TASP1: variants seen among roughly 807,000 people sequenced by gnomAD.
TASP1 encodes the protein taspase 1.
A neutral mutation model predicts 56.6 loss-of-function variants in TASP1; 16 were observed. That is an observed-to-expected ratio of 0.28 (90% CI 0.19 to 0.43). The LOEUF is 0.43. Among genes scored for constraint, TASP1 ranks in the 20% least tolerant of loss-of-function variants. The probability of loss-of-function intolerance (pLI) is 1.00; values close to 1 mark genes in which losing one functional copy is unlikely to be tolerated. For missense variants in TASP1, 393 were observed against 511.6 expected, an observed-to-expected ratio of 0.77 and a Z score of 2.24; for synonymous variants, 179 against 184.2, an observed-to-expected ratio of 0.97 and a Z score of 0.23.
At chr20:13,291,026 T>C in the TASP1 span, among the ~76,000 whole-genome samples, 1 of 152,234 alleles carries the variant, frequency 6.6e-6, no homozygotes, top group African/African-American at 2.4e-5. Context: ...CAGATAGCAT[T>C]TGAAGTCAAG....
intron 13 of TASP1, among the ~76,000 whole-genome samples, chr20:13,394,299 C>T (rs1568740977): frequency 8.1e-6 from 1 of 122,802 alleles, no homozygotes; most frequent in Non-Finnish European, 1.6e-5. Flanking sequence ...CACTACAGCA[C>T]TCCCTCTCAA....
At chr20:13,371,154 G>A in the TASP1 span, among the ~76,000 whole-genome samples, 2 of 151,826 alleles carry the variant, frequency 1.3e-5, no homozygotes, top group East Asian at 1.9e-4. Context: ...TTTTCAATTC[G>A]TTATTTCATT....
the TASP1 span, among the ~76,000 whole-genome samples, chr20:13,377,427 T>A: frequency 6.6e-6 from 1 of 152,242 alleles, no homozygotes; most frequent in Non-Finnish European, 1.5e-5. Context: ...TGAACCCAAC[T>A]TGATCATGGT....
At chr20:13,270,387 C>T in the TASP1 span, 1,991 of 1,174,804 alleles carry the variant, frequency 1.7e-3, 6 homozygotes, top group Non-Finnish European at 2.1e-3. Context: ...GAATGCCCTA[C>T]TGGCTTAATT....
chr20:13,569,685 T>G, intron 6 of TASP1, 99 bp from the exon 7 acceptor site: 1 of 977,166 alleles, frequency 1.0e-6, no homozygotes, highest in Non-Finnish European at 1.5e-6. Flanking sequence ...GAAAAAGTCT[T>G]GCATATGGAC....
intron 11 of TASP1, among the ~76,000 whole-genome samples, chr20:13,472,127 A>G (rs2146432538): frequency 6.6e-6 from 1 of 151,146 alleles, no homozygotes; most frequent in East Asian, 1.9e-4. Context: ...TACTGGTGCC[A>G]AAACAGATAT....
At chr20:13,240,982 G>C in the TASP1 span, among the ~76,000 whole-genome samples, 1 of 152,326 alleles carries the variant, frequency 6.6e-6, no homozygotes, top group Admixed American at 6.5e-5. Flanking sequence ...AGTGGACAGG[G>C]AGCTGAGAGT....
chr20:13,429,888 G>A (rs1429439087), intron 12 of TASP1, among the ~76,000 whole-genome samples: 2 of 151,806 alleles, frequency 1.3e-5, no homozygotes, highest in African/African-American at 4.8e-5. Flanking sequence ...TTCTTCTTTC[G>A]GGAAGTCTTC....
At position 13,592,675 on chromosome 20, in the gene TASP1, G is replaced by C. The variant is rs560819257; in HGVS notation, c.283-5305C>G. ...AAAGAACTAACTTAACTATTGGTTTGGTTGACTTTCTGTTTTCTATTTCAT... is the reference window on the plus strand; with the variant it reads ...AAAGAACTAACTTAACTATTGGTTTCGTTGACTTTCTGTTTTCTATTTCAT... On this transcript the variant is annotated intron_variant, in intron 4 of 13. Coordinates refer to ENST00000337743, the MANE Select transcript of TASP1 (RefSeq NM_017714.3). Among the ~76,000 whole-genome samples, 145 of 151,934 alleles carry C rather than the reference G, an allele frequency of 9.5e-4. 1 individual carries two copies. Among genetic ancestry groups the C allele is most frequent in the Admixed American group, 7.9e-3 (120 of 15,266 alleles).
the TASP1 span, among the ~76,000 whole-genome samples, chr20:13,134,452 A>G: frequency 6.6e-6 from 1 of 152,208 alleles, no homozygotes; most frequent in African/African-American, 2.4e-5. Flanking sequence ...CCCAGTCATC[A>G]TTTCATATTT....
chr20:13,120,249 TAGAC>T, the TASP1 span, among the ~76,000 whole-genome samples: 1 of 152,150 alleles, frequency 6.6e-6, no homozygotes, highest in Non-Finnish European at 1.5e-5. Flanking sequence ...AGATAGTTGA[TAGAC>T]AGATGAATAA....
chr20:13,298,863 G>A, the TASP1 span: 8 of 1,445,128 alleles, frequency 5.5e-6, no homozygotes, highest in Non-Finnish European at 5.7e-6. Flanking sequence ...GGAGCAGCCT[G>A]GTGTCACATG....
At chr20:13,536,174 A>G (rs768270495) in intron 8 of TASP1, among the ~76,000 whole-genome samples, 1 of 152,170 alleles carries the variant, frequency 6.6e-6, no homozygotes, top group Non-Finnish European at 1.5e-5. Flanking sequence ...TTAAATGCAG[A>G]TTCTGATGGA....
chr20:13,410,852 T>C (rs1179306010), intron 13 of TASP1, among the ~76,000 whole-genome samples: 1 of 152,156 alleles, frequency 6.6e-6, no homozygotes, highest in Non-Finnish European at 1.5e-5. Context: ...TTTGTCTCTT[T>C]TGGGATTTTT....
At chr20:13,280,678 A>C in the TASP1 span, among the ~76,000 whole-genome samples, 5 of 152,150 alleles carry the variant, frequency 3.3e-5, no homozygotes, top group Non-Finnish European at 7.4e-5. Context: ...GAGAAGGAAC[A>C]CACACTCGTA....
chr20:13,494,428 A>G (rs2043648146), intron 10 of TASP1, among the ~76,000 whole-genome samples: 1 of 152,176 alleles, frequency 6.6e-6, no homozygotes, highest in South Asian at 2.1e-4. Flanking sequence ...AAAAGCTGTT[A>G]ATTAATGAAA....
the TASP1 span, chr20:13,368,331 A>C: frequency 6.6e-6 from 1 of 152,176 alleles, no homozygotes; most frequent in Non-Finnish European, 1.5e-5. Flanking sequence ...AGCATCTATA[A>C]TTTTCTGAGC....
At chr20:13,515,548 TAAAA>T (rs34077486) in intron 10 of TASP1, among the ~76,000 whole-genome samples, 7 of 122,984 alleles carry the variant, frequency 5.7e-5, no homozygotes, top group Admixed American at 1.7e-4. Context: ...TTCATACACT[TAAAA>T]AAAAAAAAAA....
the TASP1 span, among the ~76,000 whole-genome samples, chr20:13,232,616 T>G: frequency 6.6e-6 from 1 of 152,258 alleles, no homozygotes; most frequent in Non-Finnish European, 1.5e-5. Flanking sequence ...GTGTGAACAT[T>G]TGCTTTCATT....
Sources: allele counts gnomAD v4.1 joint callset (sites outside exome capture counted in the v4.1 genomes callset), GRCh38; gene constraint gnomAD v4.1.1; transcripts MANE v1.5; gene names NCBI Gene and HGNC (gene_info 2026-07-23, HGNC 2026-07-21).